SDK1: variants seen among roughly 807,000 people sequenced by gnomAD.
SDK1 encodes the protein protein sidekick-1.
In SDK1, 157 loss-of-function variants were observed where a neutral mutation model predicts 245.5. The observed-to-expected ratio is 0.64, with a 90% confidence interval of 0.56 to 0.73. SDK1 has a LOEUF of 0.73. Ranked by LOEUF, SDK1 falls within the 30% of genes least tolerant of loss-of-function variation. SDK1 has a pLI of 0.00. For missense variants in SDK1, 3,583 were observed against 3,002.3 expected, an observed-to-expected ratio of 1.19 and a Z score of -4.52; for synonymous variants, 1,647 against 1,278.5, an observed-to-expected ratio of 1.29 and a Z score of -6.15.
At position 3,821,551 on chromosome 7, in the gene SDK1, A is replaced by T; in HGVS notation, c.815A>T (p.Lys272Met). The stretch of plus-strand genomic sequence containing the variant: ...GTGAATGAGAAAAATGGAGAAAACA[A>T]GACAAGCCCATTCATTCATTTGAGC... ...QAVNEKNGENKTSPFIHLSIA... is the reference protein window; with the variant it reads ...QAVNEKNGENMTSPFIHLSIA... The change falls in exon 5 of 45, where the codon AAG becomes ATG. Residue 272 changes from lysine to methionine, a missense_variant. By Grantham distance (95) the Lys-to-Met change is moderately conservative (BLOSUM62 -1). Coordinates refer to ENST00000404826, the MANE Select transcript of SDK1 (RefSeq NM_152744.4). 6.2e-7 allele frequency: 1 copy of T among 1,614,002 alleles called. No homozygotes were observed. The highest frequency in any genetic ancestry group is 8.5e-7 in the Non-Finnish European group (1 of 1,179,944).
chr7:3,602,277 A>G lies in SDK1; in HGVS notation c.299-16803A>G, dbSNP rs570619814. On this transcript the variant is annotated intron_variant, in intron 1 of 44. Coordinates refer to ENST00000404826, the MANE Select transcript of SDK1 (RefSeq NM_152744.4). ...CACTGACTTCCACAATGGTTGAACTAGTTTACAGTCCCACCAACAGTGTAA... is the reference window on the plus strand; with the variant it reads ...CACTGACTTCCACAATGGTTGAACTGGTTTACAGTCCCACCAACAGTGTAA... 6.1e-4 allele frequency among the ~76,000 whole-genome samples: 92 copies of G among 151,398 alleles called. 2 individuals carry two copies. The South Asian group carries it at 0.019, about 32-fold the overall frequency.
At chr7:4,072,772 A>C (rs547914083) in intron 20 of SDK1, among the ~76,000 whole-genome samples, 1 of 152,256 alleles carries the variant, frequency 6.6e-6, no homozygotes, top group South Asian at 2.1e-4. Context: ...TGGGCTCAGC[A>C]CCACTTTACG....
intron 5 of SDK1, among the ~76,000 whole-genome samples, chr7:3,861,685 G>T (rs10256741): frequency 0.22 from 33,457 of 152,006 alleles, 4,290 homozygotes; most frequent in African/African-American, 0.35. Context: ...TGAGCCTGAA[G>T]TAATTCACCA....
intron 1 of SDK1, among the ~76,000 whole-genome samples, chr7:3,457,268 A>G (rs1461452394): frequency 6.6e-6 from 1 of 152,126 alleles, no homozygotes; most frequent in African/African-American, 2.4e-5. Flanking sequence ...TGAGGTTCAT[A>G]AGATGCCCTG....
intron 17 of SDK1, among the ~76,000 whole-genome samples, chr7:4,041,847 CT>C (rs1788662467): frequency 7.4e-6 from 1 of 135,648 alleles, no homozygotes; most frequent in South Asian, 2.3e-4. Context: ...CGGAGTCTCG[CT>C]CCCTTGCCAG....
intron 4 of SDK1, among the ~76,000 whole-genome samples, chr7:3,726,193 AT>A (rs1779003686): frequency 6.6e-6 from 1 of 152,224 alleles, no homozygotes; most frequent in Non-Finnish European, 1.5e-5. Context: ...GCGGAACCCA[AT>A]TCATAAAACT....
intron 4 of SDK1, among the ~76,000 whole-genome samples, chr7:3,676,422 T>G (rs944739015): frequency 6.7e-6 from 1 of 149,340 alleles, no homozygotes; most frequent in African/African-American, 2.5e-5. Context: ...ACCTCCCAGG[T>G]TCACACCATT....
chr7:3,408,500 CAAAA>C (rs1371266353), intron 1 of SDK1, among the ~76,000 whole-genome samples: 3 of 152,114 alleles, frequency 2.0e-5, no homozygotes, highest in Non-Finnish European at 4.4e-5. Context: ...AAGTTATAAA[CAAAA>C]TTTCATACAG....
At chr7:3,764,077 C>G (rs1400713247) in intron 4 of SDK1, among the ~76,000 whole-genome samples, 1 of 152,038 alleles carries the variant, frequency 6.6e-6, no homozygotes, top group Non-Finnish European at 1.5e-5. Flanking sequence ...TTCAGGGGAC[C>G]CTGGGGGTCA....
chr7:3,391,296 T>A (rs899407398), intron 1 of SDK1, among the ~76,000 whole-genome samples: 1 of 152,166 alleles, frequency 6.6e-6, no homozygotes, highest in Non-Finnish European at 1.5e-5. Flanking sequence ...TTTCTGTCAT[T>A]CTTTACCTCC....
rs945266956 is a variant in SDK1 at position 4,136,176 on chromosome 7, C to T, written c.4228+3753C>T. ...TGTCTACCTGCGAGGCAGACAACGT[C>T]ACTGCCGAGCCTCCTCTGTCATGCA... On this transcript the variant is annotated intron_variant, in intron 28 of 44. Transcript: ENST00000404826. 2.0e-5 allele frequency among the ~76,000 whole-genome samples: 3 copies of T among 152,194 alleles called. No individual in the cohort carries two copies. The South Asian group carries it at 6.2e-4, about 32-fold the overall frequency.
At chr7:3,984,599 C>T (rs1207393912) in intron 13 of SDK1, among the ~76,000 whole-genome samples, 1 of 152,084 alleles carries the variant, frequency 6.6e-6, no homozygotes, top group Non-Finnish European at 1.5e-5. Flanking sequence ...GTCACCTGGC[C>T]CGAGAATGTC....
chr7:3,576,976 C>G (rs566178525), intron 1 of SDK1, among the ~76,000 whole-genome samples: 2 of 152,120 alleles, frequency 1.3e-5, no homozygotes, highest in African/African-American at 4.8e-5. Context: ...TTTTGCACTT[C>G]ACCACGGTGG....
chr7:3,779,704 G>A (rs898044555), intron 4 of SDK1, among the ~76,000 whole-genome samples: 5 of 151,790 alleles, frequency 3.3e-5, no homozygotes, highest in African/African-American at 1.2e-4. Context: ...AGGCCGAGGC[G>A]GGTGGATCAT....
At chr7:4,187,233 C>T (rs1782949002) in intron 35 of SDK1, among the ~76,000 whole-genome samples, 1 of 152,118 alleles carries the variant, frequency 6.6e-6, no homozygotes, top group African/African-American at 2.4e-5. Flanking sequence ...GGTAAACCTC[C>T]ATAGTTAACC....
intron 1 of SDK1, among the ~76,000 whole-genome samples, chr7:3,449,302 C>T (rs1036212657): frequency 2.2e-4 from 33 of 151,340 alleles, no homozygotes; most frequent in African/African-American, 7.5e-4. Flanking sequence ...CGATCAGATC[C>T]ATACACATCT....
At chr7:4,009,936 G>A (rs1427777481) in intron 14 of SDK1, among the ~76,000 whole-genome samples, 1 of 152,220 alleles carries the variant, frequency 6.6e-6, no homozygotes, top group East Asian at 1.9e-4. Flanking sequence ...TTTTGGAGAA[G>A]CGGCTGGGAT....
At chr7:4,005,750 G>C (rs1049119741) in intron 14 of SDK1, among the ~76,000 whole-genome samples, 2 of 152,160 alleles carry the variant, frequency 1.3e-5, no homozygotes, top group African/African-American at 4.8e-5. Context: ...AAATCTCCCT[G>C]CTGGGCTTGG....
At chr7:3,988,282 C>T (rs761819391) in intron 14 of SDK1, among the ~76,000 whole-genome samples, 9 of 151,956 alleles carry the variant, frequency 5.9e-5, no homozygotes, top group Admixed American at 2.0e-4. Context: ...CTCCACACCC[C>T]CTGCATCAGC....
Sources: allele counts gnomAD v4.1 joint callset (sites outside exome capture counted in the v4.1 genomes callset), GRCh38; gene constraint gnomAD v4.1.1; transcripts MANE v1.5; gene names NCBI Gene and HGNC (gene_info 2026-07-23, HGNC 2026-07-21).